Variants in CSPG5 observed in about 807,000 individuals in gnomAD.
CSPG5 encodes the protein chondroitin sulfate proteoglycan 5.
CSPG5 carries 25 observed loss-of-function variants against 39.8 expected under a neutral mutation model. The observed-to-expected ratio is 0.63, with a 90% CI of 0.46 to 0.88. The LOEUF (loss-of-function observed/expected upper bound fraction) is 0.88. Among genes scored for constraint, CSPG5 ranks in the 40% least tolerant of loss-of-function variants. The pLI, the probability that CSPG5 is intolerant of heterozygous loss-of-function variation, is 0.00. For synonymous variants in CSPG5, 295 were observed against 303.9 expected (o/e 0.97, Z 0.31); for missense variants, 627 against 702.2 (o/e 0.89, Z 1.21).
At chr3:47,563,025 T>G (rs2031147775) in intron 4 of CSPG5, among the ~76,000 whole-genome samples, 1 of 152,338 alleles carries the variant, frequency 6.6e-6, no homozygotes, top group Non-Finnish European at 1.5e-5. Flanking sequence ...TCCAAGGTTT[T>G]CTCTTGGACA....
chr3:47,564,413 C>T (rs1038875804), intron 4 of CSPG5, among the ~76,000 whole-genome samples: 3 of 152,236 alleles, frequency 2.0e-5, no homozygotes, highest in African/African-American at 4.8e-5. Context: ...CCACTGCCCA[C>T]AGCCTCACTC....
In CSPG5 at chr3:47,578,545, G is replaced by A. The variant is rs1576375915; in HGVS notation, c.97+52C>T. On this transcript the variant is annotated intron_variant, in intron 1 of 4. Transcript: ENST00000264723. This position sits in a 1 kb window ranked among gnomAD's most constrained non-coding sequence, Gnocchi z 6.0. ...TGTCCCCGCCGCCAGCGGGACCCCT[G>A]CCCTGGGTGGGGCACGAGGGCCGCG... is the stretch of plus-strand genomic sequence containing the variant. 2 of 637,108 alleles carry A rather than the reference G, an allele frequency of 3.1e-6. No homozygotes were observed. Among genetic ancestry groups the A allele is most frequent in the Admixed American group, 5.1e-5 (1 of 19,458 alleles). 39.5% of individuals were successfully genotyped at this position (637,108 alleles called of 1,614,324 possible).
Position 47,577,117 on chromosome 3 carries a change from G to A in CSPG5, c.909C>T (p.Pro303=), listed in dbSNP as rs760639148. 5 of 1,613,892 alleles carry A rather than the reference G, an allele frequency of 3.1e-6. No homozygotes were observed. Among genetic ancestry groups the A allele is most frequent in the Non-Finnish European group, 4.2e-6 (5 of 1,180,022 alleles). The change falls in exon 2 of 5, where the codon CCC becomes CCT. Residue 303 remains proline (P), a synonymous_variant. Coordinates refer to ENST00000264723, the MANE Select transcript of CSPG5 (RefSeq NM_006574.4). This position sits in a 1 kb window ranked among gnomAD's most constrained non-coding sequence, Gnocchi z 4.7. The part of the protein sequence containing the change: ...DLEDENELLV[P]TGKPGLGPGT... ...CGGGCCCCAGACCAGGCTTCCCAGT[G>A]GGCACTAGAAGCTCATTTTCATCTT...
At chr3:47,562,825 G>A in intron 4 of CSPG5, 64 bp from the exon 5 acceptor site, 1 of 1,449,038 alleles carries the variant, frequency 6.9e-7, no homozygotes, top group South Asian at 1.4e-5. Flanking sequence ...AATAATATCA[G>A]CGTTTTCTAT....
At chr3:47,569,321 C>T (rs149484653) in intron 3 of CSPG5, 94 bp from the exon 4 acceptor site, 321 of 1,357,176 alleles carry the variant, frequency 2.4e-4, no homozygotes, top group Non-Finnish European at 3.1e-4. Context: ...TACTGTATTT[C>T]GGCTGGGCGT....
At chr3:47,569,774 G>T (rs1329413555) in intron 3 of CSPG5, among the ~76,000 whole-genome samples, 2 of 144,454 alleles carry the variant, frequency 1.4e-5, no homozygotes, top group South Asian at 2.1e-4. Context: ...TTGAGACAGG[G>T]TCTCACTCTG....
chr3:47,562,550 T>G lies in CSPG5; in HGVS notation c.*50A>C. The G allele has an allele frequency of 1.3e-6, 2 of 1,518,096 alleles. No homozygotes were observed. The highest frequency in any genetic ancestry group is 1.8e-6 in the Non-Finnish European group (2 of 1,103,188). The allele number at this position is 1,518,096 out of a possible 1,614,324, so 94.0% of individuals were successfully genotyped here. A position where few individuals can be genotyped will look rare whatever the true frequency, so the allele number is the denominator to read the frequency against. On this transcript the variant is annotated 3_prime_UTR_variant, in exon 5 of 5. Transcript: ENST00000264723. ...TCTGTACAAGAGGAGATAATGTTTC[T>G]TCCCCTACCCCCCACCCACTACCCC... is the stretch of plus-strand genomic sequence containing the variant.
chr3:47,573,452 C>T (rs940086726), intron 2 of CSPG5, among the ~76,000 whole-genome samples: 1 of 152,136 alleles, frequency 6.6e-6, no homozygotes. Context: ...CTCTGCAGCC[C>T]CCCCAAGTTC....
intron 4 of CSPG5, among the ~76,000 whole-genome samples, chr3:47,565,092 A>G (rs1252028798): frequency 4.6e-5 from 7 of 152,110 alleles, no homozygotes; most frequent in Admixed American, 3.3e-4. Context: ...GGGGTACAGA[A>G]ACATTCTCAT....
intron 4 of CSPG5, among the ~76,000 whole-genome samples, chr3:47,565,641 T>C (rs1432529906): frequency 7.1e-6 from 1 of 140,962 alleles, no homozygotes; most frequent in East Asian, 2.1e-4. Context: ...AACAAATACA[T>C]GCAAGAGAAG....
chr3:47,578,807 G>T lies in CSPG5; in HGVS notation c.-114C>A, dbSNP rs2031887639. 1 of 161,288 alleles carries T rather than the reference G, an allele frequency of 6.2e-6. No homozygotes were observed. The highest frequency in any genetic ancestry group is 6.8e-5 in the Admixed American group (1 of 14,748). The allele number at this position is 161,288 out of a possible 1,614,324, so 10.0% of individuals were successfully genotyped here. A position where few individuals can be genotyped will look rare whatever the true frequency, so the allele number is the denominator to read the frequency against. ...GCCGCCTCAGCCCACGATGGGCAGC[G>T]CGAGGAGCCGCATGCCGCCGCCGCC... On this transcript the variant is annotated 5_prime_UTR_variant, in exon 1 of 5. Coordinates refer to ENST00000264723, the MANE Select transcript of CSPG5 (RefSeq NM_006574.4). The surrounding 1 kb of genome is among the most constrained non-coding windows in gnomAD (Gnocchi z 6.0).
At chr3:47,567,192 G>A (rs2031342303) in intron 4 of CSPG5, among the ~76,000 whole-genome samples, 1 of 152,180 alleles carries the variant, frequency 6.6e-6, no homozygotes, top group Non-Finnish European at 1.5e-5. Context: ...AGCAGAGTGG[G>A]AGGACTCTGT....
rs1452806001 is a variant in CSPG5, at chr3:47,572,825, T to C, written c.1243A>G (p.Ile415Val). 1.9e-6 allele frequency: 3 copies of C among 1,613,936 alleles called. No homozygotes were observed. Among genetic ancestry groups the C allele is most frequent in the Non-Finnish European group, 2.5e-6 (3 of 1,179,950 alleles). Residue 415 changes from isoleucine (I) to valine (V), a missense_variant, in exon 3 of 5, where the codon ATC (isoleucine) becomes GTC (valine). Transcript: ENST00000264723. The surrounding 1 kb of genome is among the most constrained non-coding windows in gnomAD (Gnocchi z 4.5). ...IWHKGMRCES[I>V]ITDFQVMCVA... ...CACATCACCTGGAAGTCGGTGATGA[T>C]GGACTCGCAGCGCATCCCCTTGTGC... is the stretch of plus-strand genomic sequence containing the variant.
At chr3:47,576,778 T>A in intron 2 of CSPG5, 55 bp downstream of exon 2, 1 of 1,507,936 alleles carries the variant, frequency 6.6e-7, no homozygotes, top group Non-Finnish European at 8.9e-7. Context: ...CTCTGTTGAG[T>A]CGGCCTCACA....
chr3:47,566,931 C>A (rs2031325606), intron 4 of CSPG5, among the ~76,000 whole-genome samples: 1 of 152,200 alleles, frequency 6.6e-6, no homozygotes, highest in Non-Finnish European at 1.5e-5. Flanking sequence ...GGCTGACCAC[C>A]CCCTGCTCTG....
Position 47,569,090 on chromosome 3 carries a change from T to C in CSPG5, c.1458+62A>G, listed in dbSNP as rs2031421892. 2 of 1,550,278 alleles carry C rather than the reference T, an allele frequency of 1.3e-6. No individual in the cohort carries two copies. Among genetic ancestry groups the C allele is most frequent in the East Asian group, 2.3e-5 (1 of 42,828 alleles). On this transcript the variant is annotated intron_variant, in intron 4 of 4. Transcript: ENST00000264723. ...AGTTACCTGACAGATAACGTTATCATAGTGAGCCAAGGCACGGGCATGGGG... is the reference window on the plus strand; with the variant it reads ...AGTTACCTGACAGATAACGTTATCACAGTGAGCCAAGGCACGGGCATGGGG...
Position 47,578,573 on chromosome 3 carries a change from G to T in CSPG5, c.97+24C>A. 2.1e-6 allele frequency: 2 copies of T among 961,794 alleles called. No individual in the cohort carries two copies. Among genetic ancestry groups the T allele is most frequent in the Non-Finnish European group, 2.6e-6 (2 of 761,974 alleles). The allele number at this position is 961,794 out of a possible 1,614,324, so 59.6% of individuals were successfully genotyped here. ...CTGGGTGGGGCACGAGGGCCGCGGGGGTCCCGGGCGCAGTCATACCTACCC... is the reference window on the plus strand; with the variant it reads ...CTGGGTGGGGCACGAGGGCCGCGGGTGTCCCGGGCGCAGTCATACCTACCC... On this transcript the variant is annotated intron_variant, in intron 1 of 4. Coordinates refer to ENST00000264723, the MANE Select transcript of CSPG5 (RefSeq NM_006574.4). This position sits in a 1 kb window ranked among gnomAD's most constrained non-coding sequence, Gnocchi z 6.0.
Position 47,577,447 on chromosome 3 carries a change from G to C in CSPG5, c.579C>G (p.Tyr193Ter). 6.2e-7 allele frequency: 1 copy of C among 1,614,078 alleles called. No individual in the cohort carries two copies. Among genetic ancestry groups the C allele is most frequent in the Non-Finnish European group, 8.5e-7 (1 of 1,180,006 alleles). The change falls in exon 2 of 5, where the codon TAC (tyrosine) becomes TAG (stop). Residue 193 changes from tyrosine to a stop codon, truncating the protein, a stop_gained. Coordinates refer to ENST00000264723, the MANE Select transcript of CSPG5 (RefSeq NM_006574.4). LOFTEE classifies it high-confidence loss of function. The surrounding 1 kb of genome is among the most constrained non-coding windows in gnomAD (Gnocchi z 4.7). ...TPDPQGPELT[Y>*]PFQGTLEPQP... ...GGGGCTCCAGGGTGCCCTGAAATGG[G>C]TAAGTCAGCTCTGGCCCTTGAGGGT...
chr3:47,570,493 A>G (rs1373554725), intron 3 of CSPG5, among the ~76,000 whole-genome samples: 3 of 150,920 alleles, frequency 2.0e-5, no homozygotes, highest in Non-Finnish European at 4.4e-5. Context: ...CCATCATCCA[A>G]TACTTTCTTA....
Sources: allele counts gnomAD v4.1 joint callset (sites outside exome capture counted in the v4.1 genomes callset), GRCh38; gene constraint gnomAD v4.1.1; non-coding constraint Gnocchi (gnomAD v3.1); transcripts MANE v1.5; gene names NCBI Gene and HGNC (gene_info 2026-07-23, HGNC 2026-07-21).